The following COL5A2 variants were observed in gnomAD, a reference collection of about 807,000 sequenced individuals.
COL5A2 encodes collagen type V alpha 2 chain.
In COL5A2, 23 loss-of-function variants were observed where a neutral mutation model predicts 208.2. That is an observed-to-expected ratio of 0.11 (90% CI 0.08 to 0.16). COL5A2 has a LOEUF of 0.16. Among genes scored for constraint, COL5A2 ranks in the 10% least tolerant of loss-of-function variants. The pLI, the probability that COL5A2 is intolerant of heterozygous loss-of-function variation, is 1.00. For synonymous variants in COL5A2, 625 were observed against 628.5 expected, an observed-to-expected ratio of 0.99 and a Z score of 0.08; for missense variants, 1,590 against 1,956.4, an observed-to-expected ratio of 0.81 and a Z score of 3.53.
At chr2:189,303,437 G>C in the COL5A2 span, among the ~76,000 whole-genome samples, 1 of 152,074 alleles carries the variant, frequency 6.6e-6, no homozygotes, top group African/African-American at 2.4e-5. Flanking sequence ...CCCCAAAACT[G>C]TTCCTGGGTA....
At chr2:189,136,452 T>C (rs1349040855) in intron 1 of COL5A2, among the ~76,000 whole-genome samples, 1 of 150,064 alleles carries the variant, frequency 6.7e-6, no homozygotes, top group African/African-American at 2.4e-5. Flanking sequence ...GTTACACAGG[T>C]TAACTAGGAG....
intron 1 of COL5A2, among the ~76,000 whole-genome samples, chr2:189,175,266 G>A (rs916530388): frequency 5.3e-5 from 8 of 152,134 alleles, no homozygotes; most frequent in Non-Finnish European, 7.4e-5. Context: ...AAGTTTAAAT[G>A]TTATGAAGAC....
At chr2:189,314,202 C>G in the COL5A2 span, among the ~76,000 whole-genome samples, 1 of 152,138 alleles carries the variant, frequency 6.6e-6, no homozygotes, top group Non-Finnish European at 1.5e-5. Flanking sequence ...AAGTAAAACA[C>G]TCCTCAGCAA....
chr2:189,129,639 T>C (rs1187115307), intron 1 of COL5A2, among the ~76,000 whole-genome samples: 2 of 152,084 alleles, frequency 1.3e-5, no homozygotes, highest in African/African-American at 4.8e-5. Flanking sequence ...TTATAGTGTA[T>C]GATTTAGGAA....
At chr2:189,312,098 A>G in the COL5A2 span, 1 of 795,482 alleles carries the variant, frequency 1.3e-6, no homozygotes, top group Non-Finnish European at 2.2e-6. Context: ...TGATGCTGGC[A>G]TTGTCCACAG....
At chr2:189,170,759 T>A (rs147659132) in intron 1 of COL5A2, among the ~76,000 whole-genome samples, 324 of 151,856 alleles carry the variant, frequency 2.1e-3, no homozygotes, top group Middle Eastern at 3.4e-3. Context: ...AAAAAAAAAG[T>A]CACACAGAAG....
the COL5A2 span, among the ~76,000 whole-genome samples, chr2:189,359,946 TTC>T: frequency 3.9e-5 from 6 of 152,156 alleles, no homozygotes; most frequent in Non-Finnish European, 5.9e-5. Flanking sequence ...TATGTGAGTC[TTC>T]TCTCTTTTTG....
At chr2:189,268,066 C>T in the COL5A2 span, among the ~76,000 whole-genome samples, 22,543 of 152,086 alleles carry the variant, frequency 0.15, 2,870 homozygotes, top group African/African-American at 0.34. Context: ...ATGTTATCCA[C>T]TGTCTTTTTA....
the COL5A2 span, among the ~76,000 whole-genome samples, chr2:189,418,907 C>T: frequency 6.6e-6 from 1 of 152,118 alleles, no homozygotes; most frequent in Non-Finnish European, 1.5e-5. Flanking sequence ...GGCCTCTGTT[C>T]ATAAGACCAA....
chr2:189,069,107 C>T (rs1686216151), intron 18 of COL5A2, among the ~76,000 whole-genome samples: 1 of 152,126 alleles, frequency 6.6e-6, no homozygotes, highest in Admixed American at 6.6e-5. Flanking sequence ...GAATATTCTC[C>T]ATATCCAATC....
At chr2:189,356,533 C>A in the COL5A2 span, among the ~76,000 whole-genome samples, 1 of 152,112 alleles carries the variant, frequency 6.6e-6, no homozygotes, top group African/African-American at 2.4e-5. Context: ...ATTCGGCTAT[C>A]GATACTTGTG....
intron 13 of COL5A2, 131 bp from the exon 14 acceptor site, chr2:189,080,162 T>C: frequency 1.4e-6 from 1 of 706,092 alleles, no homozygotes. Flanking sequence ...TTGCTCAAAA[T>C]ACTTTCAAAT....
At chr2:189,145,762 A>G (rs1688026854) in intron 1 of COL5A2, among the ~76,000 whole-genome samples, 1 of 152,160 alleles carries the variant, frequency 6.6e-6, no homozygotes, top group Non-Finnish European at 1.5e-5. Context: ...CCAGGCTACA[A>G]AAGTATATGA....
chr2:189,117,544 C>T (rs1312444713), intron 1 of COL5A2, among the ~76,000 whole-genome samples: 1 of 152,044 alleles, frequency 6.6e-6, no homozygotes, highest in East Asian at 1.9e-4. Context: ...AGACAAAAAT[C>T]TGCTTAACTG....
chr2:189,243,016 G>A, the COL5A2 span, among the ~76,000 whole-genome samples: 1 of 152,156 alleles, frequency 6.6e-6, no homozygotes. Flanking sequence ...GTTGGATGGA[G>A]GAGTAGATAA....
the COL5A2 span, among the ~76,000 whole-genome samples, chr2:189,337,383 C>T: frequency 7.9e-5 from 12 of 151,780 alleles, no homozygotes; most frequent in East Asian, 1.6e-3. Context: ...GGGGTTTCAC[C>T]GTTTTAGCCC....
At chr2:189,416,200 C>T in the COL5A2 span, among the ~76,000 whole-genome samples, 140 of 152,264 alleles carry the variant, frequency 9.2e-4, no homozygotes, top group African/African-American at 3.3e-3. Flanking sequence ...ACCCAGCCAT[C>T]CCATTACTGG....
chr2:189,229,684 A>G (rs1246990198), upstream of COL5A2, among the ~76,000 whole-genome samples: 20 of 151,832 alleles, frequency 1.3e-4, no homozygotes, highest in Non-Finnish European at 3.0e-5. Context: ...ATTATAAAGG[A>G]TAAAAATGAA....
chr2:189,301,394 C>A, the COL5A2 span, among the ~76,000 whole-genome samples: 2 of 152,150 alleles, frequency 1.3e-5, no homozygotes, highest in African/African-American at 4.8e-5. Flanking sequence ...AAATCAGAAT[C>A]ATTAAATACT....
Sources: allele counts gnomAD v4.1 joint callset (sites outside exome capture counted in the v4.1 genomes callset), GRCh38; gene constraint gnomAD v4.1.1; transcripts MANE v1.5; gene names NCBI Gene and HGNC (gene_info 2026-07-23, HGNC 2026-07-21).